The following ZNF20 variants were observed in gnomAD, a reference collection of about 807,000 sequenced individuals.
The protein encoded by ZNF20 is zinc finger protein KOX13.
Under a neutral mutation model 11.0 loss-of-function variants are expected in ZNF20, and 9 were observed. That is an observed-to-expected ratio of 0.82 (90% CI 0.49 to 1.43). The LOEUF is 1.43. Among genes scored for constraint, ZNF20 ranks in the 40% most tolerant of loss-of-function variants. The pLI, the probability that ZNF20 is intolerant of heterozygous loss-of-function variation, is 0.00. For missense variants in ZNF20, 528 were observed against 640.8 expected, an observed-to-expected ratio of 0.82 and a Z score of 1.90; for synonymous variants, 182 against 213.0, an observed-to-expected ratio of 0.85 and a Z score of 1.27.
chr19:12,136,694 A>G (rs536570936), intron 1 of ZNF20, among the ~76,000 whole-genome samples: 1 of 152,250 alleles, frequency 6.6e-6, no homozygotes, highest in Admixed American at 6.5e-5. Context: ...TCTCGAAAAA[A>G]TAAAATAAAA....
Position 12,131,874 on chromosome 19 carries a change from T to C in ZNF20, c.*713A>G, listed in dbSNP as rs1025980631. On this transcript the variant is annotated 3_prime_UTR_variant, in exon 4 of 4. Transcript: ENST00000334213. ...CAAAGTTAAAAACGAAGTGAGACAT[T>C]ACATTCAGTTGTGAATAACAGCAAA... The C allele has an allele frequency of 6.6e-6, 1 of 152,214 alleles. No homozygotes were observed. The highest frequency in any genetic ancestry group is 6.6e-5 in the Admixed American group (1 of 15,260). The allele number at this position is 152,214 out of a possible 1,614,324, so 9.4% of individuals were successfully genotyped here. A position where few individuals can be genotyped will look rare whatever the true frequency, so the allele number is the denominator to read the frequency against.
chr19:12,134,686 T>G (rs1225480394), intron 3 of ZNF20, among the ~76,000 whole-genome samples: 1 of 152,204 alleles, frequency 6.6e-6, no homozygotes, highest in Non-Finnish European at 1.5e-5. Context: ...TAACAACTAT[T>G]GCACTTGCAT....
At position 12,133,758 on chromosome 19, in the gene ZNF20, T is replaced by C; in HGVS notation, c.428A>G (p.Tyr143Cys). 1 of 1,614,226 alleles carries C rather than the reference T, an allele frequency of 6.2e-7. No homozygotes were observed. Among genetic ancestry groups the C allele is most frequent in the Non-Finnish European group, 8.5e-7 (1 of 1,180,034 alleles). The change falls in exon 4 of 4, where the codon TAT becomes TGT. Residue 143 changes from tyrosine (Y) to cysteine (C), a missense_variant. Transcript: ENST00000334213. ...SEYQEYGENP[Y>C]RNKECKKAFS... is the part of the protein sequence containing the mutation. The stretch of plus-strand genomic sequence containing the variant: ...GGCTTTCTTACATTCCTTATTTCTA[T>C]ATGGATTCTCTCCATATTCCTGATA...
rs1599430745 is a variant in ZNF20, at chr19:12,132,380, C to T, written c.*207G>A. 5 of 540,718 alleles carry T rather than the reference C, an allele frequency of 9.2e-6. No individual in the cohort carries two copies. The South Asian group carries it at 1.2e-4, about 13-fold the overall frequency. The allele number at this position is 540,718 out of a possible 1,614,324, so 33.5% of individuals were successfully genotyped here. ...TGACTGATGCCTTCCTTTTCTGTGCCTTTGAAATCTCATGCAAGATTGGCT... is the reference window on the plus strand; with the variant it reads ...TGACTGATGCCTTCCTTTTCTGTGCTTTTGAAATCTCATGCAAGATTGGCT... On this transcript the variant is annotated 3_prime_UTR_variant, in exon 4 of 4. Coordinates refer to ENST00000334213, the MANE Select transcript of ZNF20 (RefSeq NM_021143.4).
Position 12,133,999 on chromosome 19 carries a change from T to C in ZNF20, c.201-14A>G. 6.3e-7 allele frequency: 1 copy of C among 1,589,808 alleles called. No individual in the cohort carries two copies. The highest frequency in any genetic ancestry group is 8.6e-7 in the Non-Finnish European group (1 of 1,168,446). ...TCTCTCATAAGACTTCAGTGAAAAA[T>C]GAGAAGCACATTATTAACGGTTTGA... On this transcript the variant is annotated splice_polypyrimidine_tract_variant and intron_variant, in intron 3 of 3. Coordinates refer to ENST00000334213, the MANE Select transcript of ZNF20 (RefSeq NM_021143.4).
In ZNF20 at chr19:12,133,616, CCT is replaced by C; in HGVS notation, c.568_569del (p.Arg190GlyfsTer10). ...FISHSCIQRH[R>X]VMHSGDGPYK... ...AAGGTCCATCTCCACTGTGCATTAC[CCT>C]GTGTCTTTGAATGCATGAATGGGAA... On this transcript the variant is annotated frameshift_variant, in exon 4 of 4. Transcript: ENST00000334213. LOFTEE classifies it low-confidence loss of function (END_TRUNC). The C allele has an allele frequency of 1.9e-6, 3 of 1,614,162 alleles. No individual in the cohort carries two copies. Among genetic ancestry groups the C allele is most frequent in the Non-Finnish European group, 2.5e-6 (3 of 1,180,034 alleles).
At position 12,133,521 on chromosome 19, in the gene ZNF20, G is replaced by A; in HGVS notation, c.665C>T (p.Thr222Ile). 1 of 1,614,202 alleles carries A rather than the reference G, an allele frequency of 6.2e-7. No individual in the cohort carries two copies. The highest frequency in any genetic ancestry group is 2.2e-5 in the East Asian group (1 of 44,870). The change falls in exon 4 of 4, where the codon ACT becomes ATT. Residue 222 changes from threonine (T) to isoleucine (I), a missense_variant. By Grantham distance (89) the Thr-to-Ile change is moderately conservative. Coordinates refer to ENST00000334213, the MANE Select transcript of ZNF20 (RefSeq NM_021143.4). ...TTTACACTTATATGGTTTCACACCA[G>A]TGTGAATTCGTTCATGGATAAGACA... is the stretch of plus-strand genomic sequence containing the variant. ...NLCLIHERIHTGVKPYKCKQC... is the reference protein window; with the variant it reads ...NLCLIHERIHIGVKPYKCKQC...
In ZNF20 at chr19:12,132,605, A is replaced by C. The variant is rs910490593; in HGVS notation, c.1581T>G (p.Thr527=). Residue 527 remains threonine (T), a synonymous_variant, in exon 4 of 4, where the codon ACT becomes ACG. Coordinates refer to ENST00000334213, the MANE Select transcript of ZNF20 (RefSeq NM_021143.4). ...RASSCREHER[T]HTINR is the part of the protein sequence containing the mutation. Reference sequence around the variant, plus strand: ...GGATTTCTCATCTATTAATGGTATGAGTTCTTTCATGTTCTCGACATGAAC... The same window carrying C: ...GGATTTCTCATCTATTAATGGTATGCGTTCTTTCATGTTCTCGACATGAAC... 9 of 1,595,168 alleles carry C rather than the reference A, an allele frequency of 5.6e-6. No individual in the cohort carries two copies. In the Admixed American group the frequency reaches 9.0e-5, roughly 16 times the overall value.
Position 12,133,319 on chromosome 19 carries a change from C to T in ZNF20, c.867G>A (p.Gly289=). 6.2e-7 allele frequency: 1 copy of T among 1,614,074 alleles called. No individual in the cohort carries two copies. Among genetic ancestry groups the T allele is most frequent in the Non-Finnish European group, 8.5e-7 (1 of 1,179,990 alleles). The change falls in exon 4 of 4, where the codon GGG becomes GGA. Residue 289 remains glycine (G), a synonymous_variant. Transcript: ENST00000334213. ...TGGAACTGAAAGAAATGAAGACTTT[C>T]CCACATTGCTTACACTCATAGGGTT... ...GEKPYECKQC[G]KVFISFSSIQ...
In ZNF20 at chr19:12,133,385, A is replaced by G. The variant is rs760944151; in HGVS notation, c.801T>C (p.Pro267=). 2 of 1,614,082 alleles carry G rather than the reference A, an allele frequency of 1.2e-6. No homozygotes were observed. The highest frequency in any genetic ancestry group is 2.7e-5 in the African/African-American group (2 of 74,950). ...ACCTTTTATGTCTACGAATTTCACT[A>G]GGAAAACTGAATGCATTCCCACATT... ...CKECGNAFSF[P]SEIRRHKRSH... The change falls in exon 4 of 4, where the codon CCT becomes CCC. Residue 267 remains proline (P), a synonymous_variant. Transcript: ENST00000334213.
chr19:12,136,273 G>A (rs1976709372), intron 1 of ZNF20, among the ~76,000 whole-genome samples: 1 of 152,074 alleles, frequency 6.6e-6, no homozygotes. Context: ...CTACTCGGGA[G>A]GCTGAGGTAG....
chr19:12,133,336 C>T lies in ZNF20; in HGVS notation c.850G>A (p.Glu284Lys), dbSNP rs574468226. The change falls in exon 4 of 4, where the codon GAG becomes AAG. Residue 284 changes from glutamate to lysine, a missense_variant. Coordinates refer to ENST00000334213, the MANE Select transcript of ZNF20 (RefSeq NM_021143.4). ...KRSHTGEKPYECKQCGKVFIS... is the reference protein window; with the variant it reads ...KRSHTGEKPYKCKQCGKVFIS... ...AAGACTTTCCCACATTGCTTACACT[C>T]ATAGGGTTTTTCTCCAGTGTGAGAC... 2 of 1,614,188 alleles carry T rather than the reference C, an allele frequency of 1.2e-6. No homozygotes were observed. The highest frequency in any genetic ancestry group is 1.3e-5 in the African/African-American group (1 of 75,048).
At chr19:12,136,762 A>AG (rs1223031395) in intron 1 of ZNF20, 2 of 364,060 alleles carry the variant, frequency 5.5e-6, no homozygotes, top group Non-Finnish European at 1.1e-5. Flanking sequence ...ATGGAAAGAT[A>AG]GACTAATGGA....
rs1754518098 is a variant in ZNF20 at position 12,132,948 on chromosome 19, T to C, written c.1238A>G (p.His413Arg). The C allele has an allele frequency of 6.2e-7, 1 of 1,614,156 alleles. No individual in the cohort carries two copies. Among genetic ancestry groups the C allele is most frequent in the South Asian group, 1.1e-5 (1 of 91,054 alleles). Residue 413 changes from histidine (H) to arginine (R), a missense_variant, in exon 4 of 4, where the codon CAT (histidine) becomes CGT (arginine). His to Arg is a conservative substitution (Grantham distance 29). Transcript: ENST00000334213. ...CTTCTCTCCAGTGTGCGTCCTTTCA[T>C]GTATACGCAAGGAAGAAAAATACTT... ...VFKYFSSLRI[H>R]ERTHTGEKPH... is the part of the protein sequence containing the mutation.
At chr19:12,136,161 G>A (rs1350583040) in intron 1 of ZNF20, among the ~76,000 whole-genome samples, 5 of 152,126 alleles carry the variant, frequency 3.3e-5, no homozygotes, top group African/African-American at 1.2e-4. Flanking sequence ...CAGATCACTT[G>A]AGGTCAGGAG....
At chr19:12,140,097 A>G (rs1029642855) in intron 1 of ZNF20, 83 bp downstream of exon 1, 13 of 1,510,120 alleles carry the variant, frequency 8.6e-6, no homozygotes, top group South Asian at 4.8e-5. Flanking sequence ...CGCGGCGAGG[A>G]GGCCCAGATC....
rs1472371073 is a variant in ZNF20 at position 12,131,746 on chromosome 19, T to A, written c.*841A>T. ...CATTAAAAAATAATAATTGTTAGTA[T>A]GCAGTTGTTATAAACAGTTAATAAG... is the stretch of plus-strand genomic sequence containing the variant. On this transcript the variant is annotated 3_prime_UTR_variant, in exon 4 of 4. Coordinates refer to ENST00000334213, the MANE Select transcript of ZNF20 (RefSeq NM_021143.4). 2.0e-5 allele frequency: 3 copies of A among 152,248 alleles called. No individual in the cohort carries two copies. The highest frequency in any genetic ancestry group is 2.0e-4 in the Admixed American group (3 of 15,280). The allele number at this position is 152,248 out of a possible 1,614,324, so 9.4% of individuals were successfully genotyped here. A position where few individuals can be genotyped will look rare whatever the true frequency, so the allele number is the denominator to read the frequency against.
Position 12,140,231 on chromosome 19 carries a change from A to C in ZNF20, c.-49T>G, listed in dbSNP as rs1461455893. 1 of 1,591,314 alleles carries C rather than the reference A, an allele frequency of 6.3e-7. No individual in the cohort carries two copies. The highest frequency in any genetic ancestry group is 8.6e-7 in the Non-Finnish European group (1 of 1,168,502). ...TGTCCTCTCTAGGGCTCCCGTGAAT[A>C]GTGCGGGTCACGGTGCAGGCGGCAG... On this transcript the variant is annotated 5_prime_UTR_variant, in exon 1 of 4. Transcript: ENST00000334213.
chr19:12,138,053 T>C (rs1976740661), intron 1 of ZNF20, among the ~76,000 whole-genome samples: 1 of 152,104 alleles, frequency 6.6e-6, no homozygotes, highest in African/African-American at 2.4e-5. Flanking sequence ...CCAGGAGAGA[T>C]GGGAGCTGTG....
Sources: gnomAD v4.1 joint callset for allele counts (sites outside exome capture counted in the v4.1 genomes callset) on GRCh38, gnomAD v4.1.1 for gene constraint, MANE v1.5 for transcripts, NCBI Gene and HGNC (gene_info 2026-07-23, HGNC 2026-07-21) for gene names.